The following UHRF2 variants were observed in gnomAD, a reference collection of about 807,000 sequenced individuals.
UHRF2 encodes the protein ubiquitin like with PHD and ring finger domains 2.
UHRF2 carries 23 observed loss-of-function variants against 96.8 expected under a neutral mutation model. That is an observed-to-expected ratio of 0.24 (90% CI 0.17 to 0.34). The LOEUF (loss-of-function observed/expected upper bound fraction) is 0.34, where lower values mean the gene tolerates loss of function less well. Among genes scored for constraint, UHRF2 ranks in the 10% least tolerant of loss-of-function variants. The pLI is 1.00. For synonymous variants in UHRF2, 385 were observed against 332.6 expected, an observed-to-expected ratio of 1.16 and a Z score of -1.72; for missense variants, 685 against 981.5, an observed-to-expected ratio of 0.70 and a Z score of 4.04.
At chr9:6,424,731 T>A (rs1325584520) in intron 2 of UHRF2, among the ~76,000 whole-genome samples, 1 of 151,836 alleles carries the variant, frequency 6.6e-6, no homozygotes, top group Admixed American at 6.6e-5. Flanking sequence ...ATACTGTGTG[T>A]AGTTTTTAAA....
At chr9:6,468,516 G>A (rs756428542) in intron 4 of UHRF2, 19 of 455,946 alleles carry the variant, frequency 4.2e-5, no homozygotes, top group African/African-American at 3.2e-4. Flanking sequence ...TTGTAGTTGT[G>A]TTTTGCCCCT....
chr9:6,464,254 T>C (rs1822729236), intron 4 of UHRF2, among the ~76,000 whole-genome samples: 1 of 152,224 alleles, frequency 6.6e-6, no homozygotes, highest in Non-Finnish European at 1.5e-5. Flanking sequence ...GAGGACCTGG[T>C]TCCAATTTGG....
rs751628170 is a variant in UHRF2 at position 6,498,007 on chromosome 9, TTG to T, written c.1768-8_1768-7del. ...TAAATCTCAAACTGGCACTGAAATATTGTGATTTAGGTGGTGAAATACTGGCC... is the reference window on the plus strand; with the variant it reads ...TAAATCTCAAACTGGCACTGAAATATTGATTTAGGTGGTGAAATACTGGCC... On this transcript the variant is annotated splice_polypyrimidine_tract_variant and intron_variant, in intron 11 of 15. Coordinates refer to ENST00000276893, the MANE Select transcript of UHRF2 (RefSeq NM_152896.3). 65 of 1,611,234 alleles carry T rather than the reference TTG, an allele frequency of 4.0e-5. No individual in the cohort carries two copies. The highest frequency in any genetic ancestry group is 5.5e-5 in the Non-Finnish European group (65 of 1,179,598).
intron 5 of UHRF2, 133 bp downstream of exon 5, chr9:6,475,633 T>G (rs13299896): frequency 0.042 from 16,753 of 399,358 alleles, 440 homozygotes; most frequent in Middle Eastern, 0.064. Context: ...AGACAACAGT[T>G]TTGATCTAAG....
chr9:6,445,837 T>A (rs1241905812), intron 3 of UHRF2, among the ~76,000 whole-genome samples: 1 of 152,166 alleles, frequency 6.6e-6, no homozygotes, highest in Non-Finnish European at 1.5e-5. Context: ...GTGCTGGGCT[T>A]ACAGGCATTA....
At chr9:6,490,437 G>A (rs1270100638) in intron 9 of UHRF2, among the ~76,000 whole-genome samples, 1 of 152,166 alleles carries the variant, frequency 6.6e-6, no homozygotes, top group African/African-American at 2.4e-5. Flanking sequence ...AAACCAGCCT[G>A]GCCAACATGA....
At chr9:6,434,232 T>G (rs1389028362) in intron 3 of UHRF2, 59 bp downstream of exon 3, 2 of 1,515,972 alleles carry the variant, frequency 1.3e-6, no homozygotes, top group African/African-American at 1.4e-5. Flanking sequence ...AACCAAAGCC[T>G]TCTATTTCAA....
intron 3 of UHRF2, among the ~76,000 whole-genome samples, chr9:6,437,819 C>G (rs1820939789): frequency 1.3e-5 from 2 of 152,136 alleles, no homozygotes; most frequent in African/African-American, 4.8e-5. Context: ...GGTTTCACCA[C>G]GTTGGCCAAG....
chr9:6,428,061 G>T (rs972370143), intron 2 of UHRF2, among the ~76,000 whole-genome samples: 1 of 152,204 alleles, frequency 6.6e-6, no homozygotes, highest in Non-Finnish European at 1.5e-5. Context: ...TGTTTAGAAT[G>T]ATGATGGTAA....
At position 6,434,059 on chromosome 9, in the gene UHRF2, A is replaced by G; in HGVS notation, c.530A>G (p.Asn177Ser). 1 of 1,614,174 alleles carries G rather than the reference A, an allele frequency of 6.2e-7. No homozygotes were observed. Among genetic ancestry groups the G allele is most frequent in the Non-Finnish European group, 8.5e-7 (1 of 1,180,024 alleles). ...NGSSCKRTNGNIKHKSKENTN... is the reference protein window; with the variant it reads ...NGSSCKRTNGSIKHKSKENTN... ...AGTTCTTGTAAAAGGACTAATGGAA[A>G]TATAAAGCATAAATCCAAAGAGAAC... The change falls in exon 3 of 16, where the codon AAT becomes AGT. Residue 177 changes from asparagine (N) to serine (S), a missense_variant. Physicochemically the swap from Asn to Ser is conservative, Grantham distance 46. Coordinates refer to ENST00000276893, the MANE Select transcript of UHRF2 (RefSeq NM_152896.3).
intron 3 of UHRF2, among the ~76,000 whole-genome samples, chr9:6,447,437 T>C (rs1431891615): frequency 6.6e-6 from 1 of 152,172 alleles, no homozygotes; most frequent in African/African-American, 2.4e-5. Context: ...TATGCATACC[T>C]AGCTTTGAGA....
intron 6 of UHRF2, among the ~76,000 whole-genome samples, chr9:6,480,492 C>T (rs1823859118): frequency 6.6e-6 from 1 of 152,184 alleles, no homozygotes; most frequent in Admixed American, 6.5e-5. Flanking sequence ...TTGTATTACT[C>T]TGGAATATAT....
chr9:6,472,382 C>G (rs1250760911), intron 4 of UHRF2, among the ~76,000 whole-genome samples: 2 of 152,162 alleles, frequency 1.3e-5, no homozygotes, highest in African/African-American at 2.4e-5. Flanking sequence ...AACATGCTTA[C>G]AAGGAAAACA....
intron 4 of UHRF2, among the ~76,000 whole-genome samples, chr9:6,467,152 C>T (rs1822915144): frequency 6.6e-6 from 1 of 152,178 alleles, no homozygotes; most frequent in African/African-American, 2.4e-5. Flanking sequence ...GGATATGATT[C>T]AGTTTTGTAG....
At chr9:6,499,544 A>C (rs1825154455) in intron 12 of UHRF2, 1 of 187,742 alleles carries the variant, frequency 5.3e-6, no homozygotes, top group East Asian at 1.3e-4. Flanking sequence ...TTAAACTTTA[A>C]GGAAATCTAA....
intron 14 of UHRF2, among the ~76,000 whole-genome samples, chr9:6,503,408 TA>T (rs61454062): frequency 1.4e-4 from 20 of 146,830 alleles, no homozygotes; most frequent in South Asian, 2.2e-4. Context: ...CCTTCTAGCT[TA>T]AAAAAAAAAA....
chr9:6,490,447 A>G (rs1282727099), intron 9 of UHRF2, among the ~76,000 whole-genome samples: 2 of 152,248 alleles, frequency 1.3e-5, no homozygotes, highest in African/African-American at 4.8e-5. Context: ...GGCCAACATG[A>G]TGAAACTCCG....
chr9:6,468,226 G>A (rs139193480), intron 4 of UHRF2, among the ~76,000 whole-genome samples: 1,678 of 152,264 alleles, frequency 0.011, 12 homozygotes, highest in Middle Eastern at 0.085. Context: ...TTAGTTTTGT[G>A]CATAAAGAGT....
intron 4 of UHRF2, among the ~76,000 whole-genome samples, chr9:6,471,520 T>C (rs2130880685): frequency 6.6e-6 from 1 of 152,288 alleles, no homozygotes; most frequent in South Asian, 2.1e-4. Context: ...CCAGCTTCCA[T>C]TTTGGGTGCG....
Sources: gnomAD v4.1 joint callset for allele counts (sites outside exome capture counted in the v4.1 genomes callset) on GRCh38, gnomAD v4.1.1 for gene constraint, MANE v1.5 for transcripts, NCBI Gene and HGNC (gene_info 2026-07-23, HGNC 2026-07-21) for gene names.